The following INSL6 variants were observed in gnomAD, a reference collection of about 807,000 sequenced individuals.
The protein encoded by INSL6 is insulin-like peptide INSL6.
In INSL6, 16 loss-of-function variants were observed where a neutral mutation model predicts 9.4. The observed-to-expected ratio is 1.70, with a 90% confidence interval of 1.15 to 2.59. INSL6 has a LOEUF of 2.59. Ranked by LOEUF, INSL6 falls within the 30% of genes most tolerant of loss-of-function variation. INSL6 has a pLI of 0.00. For missense variants in INSL6, 391 were observed against 257.3 expected, an observed-to-expected ratio of 1.52 and a Z score of -3.56; for synonymous variants, 154 against 96.9, an observed-to-expected ratio of 1.59 and a Z score of -3.46.
the INSL6 span, among the ~76,000 whole-genome samples, chr9:5,068,759 G>T: frequency 6.6e-6 from 1 of 152,172 alleles, no homozygotes; most frequent in African/African-American, 2.4e-5. Context: ...AACTATTAAG[G>T]ATGGTATTGT....
chr9:4,998,054 ACTT>A, the INSL6 span, among the ~76,000 whole-genome samples: 1 of 152,180 alleles, frequency 6.6e-6, no homozygotes, highest in Non-Finnish European at 1.5e-5. Context: ...GATTTAAACA[ACTT>A]CTAGATTTTT....
At chr9:5,021,766 A>C in the INSL6 span, among the ~76,000 whole-genome samples, 1 of 152,336 alleles carries the variant, frequency 6.6e-6, no homozygotes, top group South Asian at 2.1e-4. Context: ...CTAGGACTAC[A>C]AGTGCGTGCT....
At chr9:5,140,595 T>C (rs1265170400) in intron 2 of INSL6, among the ~76,000 whole-genome samples, 1 of 152,180 alleles carries the variant, frequency 6.6e-6, no homozygotes, top group East Asian at 1.9e-4. Context: ...GTCATTCTTT[T>C]GCTCAAAAGC....
At chr9:5,113,128 C>G in the INSL6 span, among the ~76,000 whole-genome samples, 5 of 151,660 alleles carry the variant, frequency 3.3e-5, no homozygotes, top group African/African-American at 1.2e-4. Context: ...ACCATGTCAC[C>G]CTGTGACCTG....
intron 2 of INSL6, among the ~76,000 whole-genome samples, chr9:5,141,405 T>C (rs1037696492): frequency 2.6e-5 from 4 of 152,242 alleles, no homozygotes; most frequent in African/African-American, 7.2e-5. Context: ...CTTATTGGCA[T>C]GAGATGGTAT....
At chr9:5,095,972 C>G in the INSL6 span, among the ~76,000 whole-genome samples, 1 of 152,170 alleles carries the variant, frequency 6.6e-6, no homozygotes, top group Non-Finnish European at 1.5e-5. Context: ...ATTCTACTAT[C>G]CCTAGGAGCT....
chr9:5,066,616 C>T, the INSL6 span: 1 of 894,852 alleles, frequency 1.1e-6, no homozygotes, highest in Non-Finnish European at 1.9e-6. Context: ...TTTTAGATGA[C>T]ACTTGGTCAT....
intron 2 of INSL6, among the ~76,000 whole-genome samples, chr9:5,144,544 A>T (rs1195153478): frequency 3.9e-5 from 6 of 152,004 alleles, no homozygotes; most frequent in Non-Finnish European, 8.8e-5. Flanking sequence ...ATCTTTGTTA[A>T]TTTTCTGTCT....
At chr9:5,117,721 T>TA in the INSL6 span, among the ~76,000 whole-genome samples, 1 of 152,004 alleles carries the variant, frequency 6.6e-6, no homozygotes, top group Admixed American at 6.5e-5. Context: ...ATATGGTAAA[T>TA]ACTGGTAGAT....
chr9:4,997,851 T>C, the INSL6 span, among the ~76,000 whole-genome samples: 1 of 152,342 alleles, frequency 6.6e-6, no homozygotes, highest in African/African-American at 2.4e-5. Context: ...CTTCAGTGTC[T>C]GCAGAATTGT....
chr9:5,080,918 T>C, the INSL6 span, among the ~76,000 whole-genome samples: 14 of 129,280 alleles, frequency 1.1e-4, no homozygotes, highest in African/African-American at 3.7e-4. Context: ...TTTTTTGAGA[T>C]GGAGTCTTAC....
the INSL6 span, among the ~76,000 whole-genome samples, chr9:5,082,194 T>C: frequency 6.6e-6 from 1 of 152,216 alleles, no homozygotes. Context: ...AACACTGGTC[T>C]CTGAGTTTCC....
the INSL6 span, among the ~76,000 whole-genome samples, chr9:5,059,077 A>C: frequency 6.6e-6 from 1 of 152,036 alleles, no homozygotes; most frequent in African/African-American, 2.4e-5. Flanking sequence ...TACTTTGTTG[A>C]GATATAACAT....
chr9:5,080,892 C>CTTT, the INSL6 span, among the ~76,000 whole-genome samples: 12 of 95,616 alleles, frequency 1.3e-4, no homozygotes, highest in South Asian at 3.4e-4. Context: ...AAGACCTTTT[C>CTTT]TTTTTTTTTT....
At chr9:5,109,816 T>A in the INSL6 span, 1 of 152,194 alleles carries the variant, frequency 6.6e-6, no homozygotes, top group Non-Finnish European at 1.5e-5. Flanking sequence ...CTAACATTAA[T>A]CAATTTTTCA....
At chr9:5,059,628 C>T in the INSL6 span, among the ~76,000 whole-genome samples, 1 of 152,062 alleles carries the variant, frequency 6.6e-6, no homozygotes, top group East Asian at 1.9e-4. Flanking sequence ...TACTGCCAAA[C>T]AATTTTTTGT....
intron 1 of INSL6, among the ~76,000 whole-genome samples, chr9:5,171,531 G>T (rs572013344): frequency 1.3e-5 from 2 of 152,318 alleles, no homozygotes; most frequent in East Asian, 1.9e-4. Flanking sequence ...AGGAAGAGAG[G>T]AAGCCAAATT....
chr9:5,036,734 T>G, the INSL6 span, among the ~76,000 whole-genome samples: 6 of 152,154 alleles, frequency 3.9e-5, no homozygotes, highest in African/African-American at 7.2e-5. Flanking sequence ...AAGACTTAAA[T>G]GTTAGACCTA....
At chr9:4,999,468 A>C in the INSL6 span, among the ~76,000 whole-genome samples, 1 of 152,226 alleles carries the variant, frequency 6.6e-6, no homozygotes, top group Admixed American at 6.5e-5. Context: ...AAAGATTACA[A>C]ATGCTTATTG....
Sources: gnomAD v4.1 joint callset for allele counts (sites outside exome capture counted in the v4.1 genomes callset) on GRCh38, gnomAD v4.1.1 for gene constraint, MANE v1.5 for transcripts, NCBI Gene and HGNC (gene_info 2026-07-23, HGNC 2026-07-21) for gene names.